Variants in AFF3 observed in about 807,000 individuals in gnomAD.
AFF3 encodes ALF transcription elongation factor 3.
A neutral mutation model predicts 129.7 loss-of-function variants in AFF3; 32 were observed. That is an observed-to-expected ratio of 0.25 (90% CI 0.19 to 0.33). AFF3 has a LOEUF of 0.33. AFF3 is among the 10% of genes least tolerant of loss of function. The pLI is 1.00. For missense variants in AFF3, 1,373 were observed against 1,592.0 expected, an observed-to-expected ratio of 0.86 and a Z score of 2.34; for synonymous variants, 644 against 635.4, an observed-to-expected ratio of 1.01 and a Z score of -0.20.
At chr2:99,927,791 C>CA (rs779482308) in intron 7 of AFF3, among the ~76,000 whole-genome samples, 1 of 152,132 alleles carries the variant, frequency 6.6e-6, no homozygotes, top group East Asian at 1.9e-4. Context: ...CATGAATGTA[C>CA]ATACTGAGAG....
At chr2:100,099,363 C>T (rs533699570) in intron 4 of AFF3, among the ~76,000 whole-genome samples, 2 of 152,336 alleles carry the variant, frequency 1.3e-5, no homozygotes, top group South Asian at 4.1e-4. Flanking sequence ...GCGCATGCCC[C>T]CTGGCAGTTG....
Position 100,014,954 on chromosome 2 carries a change from ATTTTTT to A in AFF3, c.54-6028_54-6023del, listed in dbSNP as rs562822524. On this transcript the variant is annotated intron_variant, in intron 4 of 24. Coordinates refer to ENST00000672756, the MANE Select transcript of AFF3 (RefSeq NM_001386135.1). ...ATGTGCCACCACACCCAGCCAGCTA[ATTTTTT>A]TTTTTTTTTTTTTTTTTGTATATTT... Among the ~76,000 whole-genome samples, 1,186 of 121,636 alleles carry A rather than the reference ATTTTTT, an allele frequency of 9.8e-3. 22 individuals carry two copies. Among genetic ancestry groups the A allele is most frequent in the African/African-American group, 0.035 (1,090 of 30,788 alleles). 79.8% of individuals were successfully genotyped at this position (121,636 alleles called of 152,430 possible).
intron 11 of AFF3, among the ~76,000 whole-genome samples, chr2:99,683,718 G>A (rs1674756646): frequency 6.6e-6 from 1 of 152,148 alleles, no homozygotes; most frequent in Non-Finnish European, 1.5e-5. Flanking sequence ...TGGGATTATA[G>A]CCATTTACTT....
chr2:99,938,972 T>C (rs1484261758), intron 7 of AFF3, among the ~76,000 whole-genome samples: 1 of 152,240 alleles, frequency 6.6e-6, no homozygotes, highest in Non-Finnish European at 1.5e-5. Flanking sequence ...TACTCGCTCT[T>C]ATATGGCTTG....
chr2:99,856,795 G>A lies in AFF3; in HGVS notation c.874-19271C>T, dbSNP rs556485834. ...GAACATGAGACTTCTGATTATTTGG[G>A]TATTAAATTATATATAAGTATGTTA... On this transcript the variant is annotated intron_variant, in intron 7 of 24. Coordinates refer to ENST00000672756, the MANE Select transcript of AFF3 (RefSeq NM_001386135.1). 2.0e-5 allele frequency among the ~76,000 whole-genome samples: 3 copies of A among 152,186 alleles called. No individual in the cohort carries two copies. The East Asian group carries it at 5.8e-4, about 29-fold the overall frequency.
intron 16 of AFF3, among the ~76,000 whole-genome samples, chr2:99,586,939 G>A (rs1678177737): frequency 6.6e-6 from 1 of 152,102 alleles, no homozygotes; most frequent in Non-Finnish European, 1.5e-5. Context: ...TCTGGTCTTT[G>A]GTTATGGAGA....
chr2:99,655,938 CTGAT>C (rs1685709494), intron 12 of AFF3, among the ~76,000 whole-genome samples: 1 of 152,118 alleles, frequency 6.6e-6, no homozygotes, highest in Non-Finnish European at 1.5e-5. Flanking sequence ...GAACAGGTGA[CTGAT>C]TGGATGTGGC....
chr2:99,556,385 T>A (rs1674917562), intron 22 of AFF3, among the ~76,000 whole-genome samples: 1 of 151,892 alleles, frequency 6.6e-6, no homozygotes, highest in Non-Finnish European at 1.5e-5. Context: ...GAGGTTAGGG[T>A]GAGCCAAGAT....
intron 8 of AFF3, among the ~76,000 whole-genome samples, chr2:99,770,272 G>T (rs961232021): frequency 6.6e-6 from 1 of 152,154 alleles, no homozygotes; most frequent in Non-Finnish European, 1.5e-5. Flanking sequence ...ACCACGACAG[G>T]CCCACAGGGA....
chr2:99,567,215 A>G (rs1676058143), intron 19 of AFF3, among the ~76,000 whole-genome samples: 1 of 151,568 alleles, frequency 6.6e-6, no homozygotes, highest in Non-Finnish European at 1.5e-5. Flanking sequence ...CCTGACCTCA[A>G]ATGATCCACC....
intron 7 of AFF3, among the ~76,000 whole-genome samples, chr2:99,987,052 C>T (rs1004581611): frequency 5.9e-5 from 9 of 152,194 alleles, no homozygotes; most frequent in African/African-American, 2.2e-4. Context: ...CTCTAAGTGG[C>T]TTCCCAGCTG....
intron 7 of AFF3, among the ~76,000 whole-genome samples, chr2:99,888,035 A>G (rs1403903726): frequency 1.3e-5 from 2 of 152,244 alleles, no homozygotes; most frequent in African/African-American, 4.8e-5. Flanking sequence ...CAAGTGTTAT[A>G]TTAATAACTT....
chr2:99,607,271 G>A (rs1235198795), intron 13 of AFF3, among the ~76,000 whole-genome samples: 2 of 152,044 alleles, frequency 1.3e-5, no homozygotes, highest in Admixed American at 6.6e-5. Context: ...AGTGGCTCAC[G>A]CCTGTAATCC....
intron 7 of AFF3, among the ~76,000 whole-genome samples, chr2:99,850,836 TAA>T (rs924620944): frequency 2.0e-5 from 3 of 152,174 alleles, no homozygotes; most frequent in Non-Finnish European, 4.4e-5. Flanking sequence ...AATTATGAAA[TAA>T]GAGTCATTAT....
chr2:100,080,822 T>A (rs1047737311), intron 4 of AFF3, among the ~76,000 whole-genome samples: 2 of 151,800 alleles, frequency 1.3e-5, no homozygotes, highest in South Asian at 2.1e-4. Flanking sequence ...CAGGAAAAGG[T>A]TGGAACCAGA....
At chr2:99,557,341 G>A (rs1211573246) in intron 22 of AFF3, among the ~76,000 whole-genome samples, 3 of 148,684 alleles carry the variant, frequency 2.0e-5, no homozygotes, top group African/African-American at 7.5e-5. Context: ...GTGCAGTGGC[G>A]CCATCTCTGC....
intron 1 of AFF3, among the ~76,000 whole-genome samples, chr2:100,138,110 T>G (rs1692706539): frequency 1.3e-5 from 2 of 152,082 alleles, no homozygotes; most frequent in African/African-American, 4.8e-5. Flanking sequence ...GTGGAAGACA[T>G]TTGTGATTTT....
At chr2:99,758,362 G>GATCACC (rs1207743824) in intron 8 of AFF3, among the ~76,000 whole-genome samples, 2 of 152,134 alleles carry the variant, frequency 1.3e-5, no homozygotes, top group Non-Finnish European at 2.9e-5. Flanking sequence ...CGGGAGGGAG[G>GATCACC]ATCACCTGAA....
chr2:99,669,268 G>A (rs746435896), intron 12 of AFF3, among the ~76,000 whole-genome samples: 78 of 152,282 alleles, frequency 5.1e-4, no homozygotes, highest in Non-Finnish European at 9.0e-4. Flanking sequence ...CAAGGATGCT[G>A]ATAAGAGCAC....
Sources: allele counts gnomAD v4.1 joint callset (sites outside exome capture counted in the v4.1 genomes callset), GRCh38; gene constraint gnomAD v4.1.1; transcripts MANE v1.5; gene names NCBI Gene and HGNC (gene_info 2026-07-23, HGNC 2026-07-21).